FNDC3B: variants seen among roughly 807,000 people sequenced by gnomAD.
The protein encoded by FNDC3B is fibronectin type III domain containing 3B, also known as fibronectin type III domain-containing protein 3B.
A neutral mutation model predicts 151.5 loss-of-function variants in FNDC3B; 12 were observed. The observed-to-expected ratio is 0.08, with a 90% CI of 0.05 to 0.13. The LOEUF (loss-of-function observed/expected upper bound fraction) is 0.13, where lower values mean the gene tolerates loss of function less well. Among genes scored for constraint, FNDC3B ranks in the 10% least tolerant of loss-of-function variants. The pLI, the probability that FNDC3B is intolerant of heterozygous loss-of-function variation, is 1.00. For synonymous variants in FNDC3B, 528 were observed against 549.0 expected (o/e 0.96, Z 0.54); for missense variants, 1,214 against 1,505.3 (o/e 0.81, Z 3.20).
At chr3:172,041,788 G>C (rs1196084518) in intron 1 of FNDC3B, among the ~76,000 whole-genome samples, 1 of 152,066 alleles carries the variant, frequency 6.6e-6, no homozygotes, top group Non-Finnish European at 1.5e-5. Flanking sequence ...TTTTGTGGGG[G>C]CCCTTGGTTC....
chr3:172,147,311 A>AAAC (rs1721965675), intron 3 of FNDC3B, among the ~76,000 whole-genome samples: 1 of 23,702 alleles, frequency 4.2e-5, no homozygotes, highest in African/African-American at 1.5e-4. Flanking sequence ...GTCTCCAAAC[A>AAAC]AAAAAAAAAA....
chr3:172,341,183 T>G lies in FNDC3B; in HGVS notation c.1923T>G (p.Thr641=). The change falls in exon 17 of 26, where the codon ACT becomes ACG. Residue 641 remains threonine (T), a synonymous_variant. Coordinates refer to ENST00000415807, the MANE Select transcript of FNDC3B (RefSeq NM_022763.4). ...CCTTCACCCACTTGAAACCAGGCAC[T>G]TTGTACAAACTCCGAGCATGCTGCA... is the stretch of plus-strand genomic sequence containing the variant. ...EYTFTHLKPG[T]LYKLRACCIS... 11 of 1,614,224 alleles carry G rather than the reference T, an allele frequency of 6.8e-6. No individual in the cohort carries two copies. Among genetic ancestry groups the G allele is most frequent in the Non-Finnish European group, 9.3e-6 (11 of 1,180,034 alleles).
chr3:172,332,045 T>C (rs1234509267), intron 13 of FNDC3B, among the ~76,000 whole-genome samples: 2 of 152,002 alleles, frequency 1.3e-5, no homozygotes, highest in Non-Finnish European at 2.9e-5. Flanking sequence ...ATCTTGGCCC[T>C]CTGCAACCTC....
At chr3:172,267,790 T>C (rs1576855557) in intron 6 of FNDC3B, among the ~76,000 whole-genome samples, 1 of 152,250 alleles carries the variant, frequency 6.6e-6, no homozygotes, top group East Asian at 1.9e-4. Context: ...ATGAATCTTA[T>C]GTCCCGTAAA....
intron 3 of FNDC3B, among the ~76,000 whole-genome samples, chr3:172,201,847 G>A (rs368372849): frequency 1.6e-3 from 248 of 152,292 alleles, no homozygotes; most frequent in Middle Eastern, 3.4e-3. Context: ...TAGTGTAATT[G>A]TGTCCCATGC....
Position 172,362,682 on chromosome 3 carries a change from T to C in FNDC3B, c.2845T>C (p.Phe949Leu), listed in dbSNP as rs763362750. ...AATTGGAGCTGGACCATTTAGTCAG[T>C]TCATTAAAGCAAAAACTCGGCCATT... ...NEIGAGPFSQ[F>L]IKAKTRPLPP... Residue 949 changes from phenylalanine (F) to leucine (L), a missense_variant, in exon 23 of 26, where the codon TTC becomes CTC. Transcript: ENST00000415807. 1 of 1,614,084 alleles carries C rather than the reference T, an allele frequency of 6.2e-7. No homozygotes were observed. The highest frequency in any genetic ancestry group is 8.5e-7 in the Non-Finnish European group (1 of 1,179,994).
chr3:172,099,593 A>T (rs1719276481), intron 1 of FNDC3B, among the ~76,000 whole-genome samples: 1 of 152,134 alleles, frequency 6.6e-6, no homozygotes, highest in South Asian at 2.1e-4. Context: ...CCTCTCCTGT[A>T]CTCTGCTGAC....
intron 3 of FNDC3B, among the ~76,000 whole-genome samples, chr3:172,134,098 T>C (rs1721243188): frequency 6.6e-6 from 1 of 152,148 alleles, no homozygotes; most frequent in East Asian, 1.9e-4. Context: ...AAATGCAAAA[T>C]GCCCCGTCCC....
chr3:172,174,350 G>A (rs1393973705), intron 3 of FNDC3B, among the ~76,000 whole-genome samples: 2 of 152,186 alleles, frequency 1.3e-5, no homozygotes, highest in Non-Finnish European at 1.5e-5. Flanking sequence ...GTTAGACTGA[G>A]TCTTGTGAAT....
intron 9 of FNDC3B, among the ~76,000 whole-genome samples, chr3:172,303,814 G>C (rs1211011958): frequency 6.6e-6 from 1 of 151,980 alleles, no homozygotes; most frequent in African/African-American, 2.4e-5. Flanking sequence ...TAAAAATGTT[G>C]CTAGTCACTA....
At chr3:172,277,689 C>G (rs1426957520) in intron 6 of FNDC3B, among the ~76,000 whole-genome samples, 1 of 152,120 alleles carries the variant, frequency 6.6e-6, no homozygotes, top group African/African-American at 2.4e-5. Flanking sequence ...TTTTGCATTT[C>G]TAGATTCTCT....
chr3:172,378,137 C>A, intron 23 of FNDC3B, 133 bp from the exon 24 acceptor site: 2 of 634,748 alleles, frequency 3.2e-6, no homozygotes, highest in Admixed American at 3.5e-5. Context: ...TAGCAACTGG[C>A]TGATTATTAA....
chr3:172,323,135 T>C (rs1247252039), intron 11 of FNDC3B, among the ~76,000 whole-genome samples: 1 of 152,092 alleles, frequency 6.6e-6, no homozygotes, highest in Non-Finnish European at 1.5e-5. Flanking sequence ...AATATTCAAG[T>C]AGGTAGTAAG....
At chr3:172,281,017 G>T (rs368191798) in intron 6 of FNDC3B, among the ~76,000 whole-genome samples, 4 of 151,502 alleles carry the variant, frequency 2.6e-5, no homozygotes, top group Non-Finnish European at 4.4e-5. Context: ...AAAGACTTGT[G>T]TCTCTAAGCT....
intron 3 of FNDC3B, among the ~76,000 whole-genome samples, chr3:172,199,458 T>C (rs9852625): frequency 0.91 from 138,232 of 151,952 alleles, 63,183 homozygotes; most frequent in African/African-American, 0.95. Context: ...GGATTACAGG[T>C]GTGAGCCACC....
chr3:172,064,045 TG>T (rs1214916037), intron 1 of FNDC3B, among the ~76,000 whole-genome samples: 2 of 152,120 alleles, frequency 1.3e-5, no homozygotes, highest in African/African-American at 4.8e-5. Flanking sequence ...TGGAAGGCTG[TG>T]GCCGTGAGAA....
intron 7 of FNDC3B, among the ~76,000 whole-genome samples, chr3:172,289,728 G>A (rs949518972): frequency 9.2e-5 from 14 of 152,186 alleles, no homozygotes; most frequent in Non-Finnish European, 1.0e-4. Context: ...GGGCACAAAC[G>A]CCGGAAGTCT....
Position 172,307,469 on chromosome 3 carries a change from A to G in FNDC3B, c.1168A>G (p.Arg390Gly). Residue 390 changes from arginine (R) to glycine (G), a missense_variant, in exon 10 of 26, where the codon AGG (arginine) becomes GGG (glycine). Transcript: ENST00000415807. ...TCCTTTCCCCCCTAAGCTGGCACAT[A>G]GGAGCAAAAGTTCACTAACCCTGCA... ...ECPFPPKLAH[R>G]SKSSLTLQWK... 6.2e-7 allele frequency: 1 copy of G among 1,614,120 alleles called. No homozygotes were observed. Among genetic ancestry groups the G allele is most frequent in the Non-Finnish European group, 8.5e-7 (1 of 1,179,984 alleles).
intron 17 of FNDC3B, 82 bp downstream of exon 17, chr3:172,341,313 T>C (rs1560089122): frequency 2.0e-6 from 2 of 988,942 alleles, no homozygotes; most frequent in Non-Finnish European, 3.3e-6. Flanking sequence ...CAAATTGCAG[T>C]TTAAACAATG....
Sources: allele counts gnomAD v4.1 joint callset (sites outside exome capture counted in the v4.1 genomes callset), GRCh38; gene constraint gnomAD v4.1.1; transcripts MANE v1.5; gene names NCBI Gene and HGNC (gene_info 2026-07-23, HGNC 2026-07-21).